L3MBTL4: variants seen among roughly 807,000 people sequenced by gnomAD.
L3MBTL4 encodes the protein lethal(3)malignant brain tumor-like protein 4.
Under a neutral mutation model 84.5 loss-of-function variants are expected in L3MBTL4, and 70 were observed. The observed-to-expected ratio is 0.83, with a 90% CI of 0.68 to 1.01. The LOEUF is 1.01. L3MBTL4 is among the 50% of genes least tolerant of loss of function. The probability of loss-of-function intolerance (pLI) is 0.00; values close to 1 mark genes in which losing one functional copy is unlikely to be tolerated. For missense variants in L3MBTL4, 715 were observed against 754.8 expected (o/e 0.95, Z 0.62); for synonymous variants, 274 against 259.8 (o/e 1.05, Z -0.52).
At chr18:6,063,137 T>C (rs2057286216) in intron 16 of L3MBTL4, among the ~76,000 whole-genome samples, 2 of 151,962 alleles carry the variant, frequency 1.3e-5, no homozygotes, top group Admixed American at 1.3e-4. Flanking sequence ...CCTCCAGCTC[T>C]GCACAAGTTG....
At chr18:6,330,456 AGCAATGGCTGAT>A (rs1283606913) in intron 1 of L3MBTL4, among the ~76,000 whole-genome samples, 1 of 152,254 alleles carries the variant, frequency 6.6e-6, no homozygotes, top group Non-Finnish European at 1.5e-5. Flanking sequence ...CTTCAAAGCC[AGCAATGGCTGAT>A]CAAGTCTTCT....
chr18:6,241,550 C>A (rs2047451539), intron 7 of L3MBTL4, 101 bp from the exon 8 acceptor site: 10 of 616,446 alleles, frequency 1.6e-5, no homozygotes, highest in Non-Finnish European at 2.0e-5. Context: ...TTGGCCATTA[C>A]TTTTAATGGA....
chr18:6,269,201 G>A (rs575094550), intron 4 of L3MBTL4, among the ~76,000 whole-genome samples: 4 of 152,278 alleles, frequency 2.6e-5, no homozygotes, highest in African/African-American at 9.6e-5. Context: ...GGTGGCTCAC[G>A]CCTGTAATCC....
intron 4 of L3MBTL4, among the ~76,000 whole-genome samples, chr18:6,285,355 A>C (rs2049522271): frequency 6.6e-6 from 1 of 152,192 alleles, no homozygotes; most frequent in South Asian, 2.1e-4. Flanking sequence ...AAATATACAA[A>C]GAGGGAGAAC....
chr18:6,151,040 C>T (rs1292303672), intron 13 of L3MBTL4, among the ~76,000 whole-genome samples: 1 of 152,118 alleles, frequency 6.6e-6, no homozygotes, highest in Non-Finnish European at 1.5e-5. Context: ...CACAGCAGGA[C>T]CAGGAGAGCC....
At chr18:6,073,246 T>C (rs1201763359) in intron 16 of L3MBTL4, among the ~76,000 whole-genome samples, 2 of 151,628 alleles carry the variant, frequency 1.3e-5, no homozygotes, top group African/African-American at 4.8e-5. Flanking sequence ...AAAAGGAACA[T>C]AACTATAGAA....
chr18:6,341,060 G>C (rs896761333), intron 1 of L3MBTL4, among the ~76,000 whole-genome samples: 4 of 152,064 alleles, frequency 2.6e-5, no homozygotes, highest in African/African-American at 9.7e-5. Context: ...ATAAGGTCTC[G>C]AGACCTCCAG....
At chr18:6,352,876 A>C (rs1294954837) in intron 1 of L3MBTL4, among the ~76,000 whole-genome samples, 2 of 152,214 alleles carry the variant, frequency 1.3e-5, no homozygotes, top group African/African-American at 4.8e-5. Context: ...TTTTCCTTCT[A>C]TTTTTATCCT....
chr18:6,227,637 T>C (rs1251519532), intron 10 of L3MBTL4, among the ~76,000 whole-genome samples: 1 of 152,184 alleles, frequency 6.6e-6, no homozygotes, highest in Non-Finnish European at 1.5e-5. Flanking sequence ...CACCATTTTC[T>C]GATACAAAAA....
In L3MBTL4 at chr18:6,072,787, T is replaced by A. The variant is rs1423865094; in HGVS notation, c.1444+8094A>T. On this transcript the variant is annotated intron_variant, in intron 16 of 18. Coordinates refer to ENST00000317931, the MANE Select transcript of L3MBTL4 (RefSeq NM_001330559.2). Reference sequence around the variant, plus strand: ...AGGAGTATGGCATGAACCCGGGAGGTGGAGCTTGCAATGAGCCCAGATCGT... The same window carrying A: ...AGGAGTATGGCATGAACCCGGGAGGAGGAGCTTGCAATGAGCCCAGATCGT... 1.7e-4 allele frequency among the ~76,000 whole-genome samples: 23 copies of A among 139,276 alleles called. No individual in the cohort carries two copies. In the South Asian group the frequency reaches 1.9e-3, roughly 12 times the overall value. The allele number at this position is 139,276 out of a possible 152,430, so 91.4% of individuals were successfully genotyped here.
intron 15 of L3MBTL4, among the ~76,000 whole-genome samples, chr18:6,081,903 G>A (rs957101341): frequency 1.2e-4 from 19 of 152,098 alleles, no homozygotes; most frequent in African/African-American, 4.3e-4. Context: ...TATCAAAAAA[G>A]CAAGAAACCG....
At chr18:6,394,697 A>G (rs568013334) in intron 1 of L3MBTL4, 7 of 152,258 alleles carry the variant, frequency 4.6e-5, no homozygotes, top group Admixed American at 2.6e-4. Context: ...CAAATACTGT[A>G]TGATTTAATT....
intron 16 of L3MBTL4, among the ~76,000 whole-genome samples, chr18:6,024,040 C>A (rs1355958678): frequency 6.6e-6 from 1 of 152,108 alleles, no homozygotes; most frequent in Non-Finnish European, 1.5e-5. Flanking sequence ...AGATACCCAG[C>A]TAATTTTTGT....
intron 16 of L3MBTL4, among the ~76,000 whole-genome samples, chr18:6,054,716 C>T (rs896577909): frequency 4.6e-5 from 7 of 152,212 alleles, no homozygotes; most frequent in South Asian, 4.1e-4. Context: ...CTCAGACCAG[C>T]GCTGCTCTTA....
At position 6,333,824 on chromosome 18, in the gene L3MBTL4, C is replaced by T. The variant is rs145669225; in HGVS notation, c.-90-21768G>A. Among the ~76,000 whole-genome samples, 1,249 of 152,242 alleles carry T rather than the reference C, an allele frequency of 8.2e-3. 22 individuals are homozygous for T. Among genetic ancestry groups the T allele is most frequent in the African/African-American group, 0.028 (1,179 of 41,552 alleles). ...TCAATAATGTTACAATGATCTTCCCCGTAACCCTCAAATATCAAATATTAA... is the reference window on the plus strand; with the variant it reads ...TCAATAATGTTACAATGATCTTCCCTGTAACCCTCAAATATCAAATATTAA... On this transcript the variant is annotated intron_variant, in intron 1 of 18. Coordinates refer to ENST00000317931, the MANE Select transcript of L3MBTL4 (RefSeq NM_001330559.2).
intron 10 of L3MBTL4, among the ~76,000 whole-genome samples, chr18:6,218,069 A>G (rs2046398545): frequency 6.6e-6 from 1 of 151,920 alleles, no homozygotes; most frequent in African/African-American, 2.4e-5. Flanking sequence ...GAGTTATACT[A>G]TATATTTTAT....
chr18:6,331,822 T>C (rs1032537547), intron 1 of L3MBTL4, among the ~76,000 whole-genome samples: 9 of 151,878 alleles, frequency 5.9e-5, no homozygotes, highest in Admixed American at 5.9e-4. Context: ...AACTGGTATA[T>C]TGGAGACAAT....
chr18:6,200,726 A>T (rs1437099315), intron 12 of L3MBTL4, among the ~76,000 whole-genome samples: 1 of 152,216 alleles, frequency 6.6e-6, no homozygotes, highest in Non-Finnish European at 1.5e-5. Context: ...AATTATTCAA[A>T]TATTATGTAA....
At chr18:6,001,960 A>AGTAAACC (rs2054235475) in intron 16 of L3MBTL4, among the ~76,000 whole-genome samples, 1 of 152,188 alleles carries the variant, frequency 6.6e-6, no homozygotes, top group Admixed American at 6.5e-5. Flanking sequence ...CTCCAAGTAA[A>AGTAAACC]GTAAACCTCA....
Sources: allele counts gnomAD v4.1 joint callset (sites outside exome capture counted in the v4.1 genomes callset), GRCh38; gene constraint gnomAD v4.1.1; transcripts MANE v1.5; gene names NCBI Gene and HGNC (gene_info 2026-07-23, HGNC 2026-07-21).